CSMD1: variants seen among roughly 807,000 people sequenced by gnomAD.
CSMD1 encodes CUB and Sushi multiple domains 1.
Under a neutral mutation model 417.5 loss-of-function variants are expected in CSMD1, and 213 were observed. The ratio of observed to expected loss-of-function variants is 0.51; its 90% CI spans 0.46 to 0.57. The LOEUF (loss-of-function observed/expected upper bound fraction) is 0.57, where lower values mean the gene tolerates loss of function less well. Among genes scored for constraint, CSMD1 ranks in the 20% least tolerant of loss-of-function variants. CSMD1 has a pLI of 0.00. For missense variants in CSMD1, 6,923 were observed against 4,529.7 expected, an observed-to-expected ratio of 1.53 and a Z score of -15.17; for synonymous variants, 2,862 against 1,736.8, an observed-to-expected ratio of 1.65 and a Z score of -16.11.
chr8:3,832,968 T>C (rs1014483734), intron 5 of CSMD1, among the ~76,000 whole-genome samples: 8 of 152,282 alleles, frequency 5.3e-5, no homozygotes, highest in Admixed American at 4.6e-4. Context: ...ATATCAATAA[T>C]TGAGAAATAT....
At chr8:3,060,614 T>C (rs956661666) in intron 49 of CSMD1, among the ~76,000 whole-genome samples, 1 of 152,236 alleles carries the variant, frequency 6.6e-6, no homozygotes, top group South Asian at 2.1e-4. Flanking sequence ...TTCAGAGACT[T>C]AAATTCATGT....
At chr8:3,339,613 C>T (rs1177790245) in intron 23 of CSMD1, among the ~76,000 whole-genome samples, 1 of 152,174 alleles carries the variant, frequency 6.6e-6, no homozygotes, top group Non-Finnish European at 1.5e-5. Flanking sequence ...ATAAATTACT[C>T]TCAGAGGGCT....
intron 3 of CSMD1, among the ~76,000 whole-genome samples, chr8:4,140,359 A>G (rs537862585): frequency 6.6e-6 from 1 of 150,942 alleles, no homozygotes; most frequent in East Asian, 1.9e-4. Context: ...TTAGCTGGGA[A>G]TGGTGGCACA....
chr8:4,073,953 A>G (rs1799691206), intron 3 of CSMD1, among the ~76,000 whole-genome samples: 1 of 152,104 alleles, frequency 6.6e-6, no homozygotes, highest in Admixed American at 6.6e-5. Context: ...GCTTCTTTTG[A>G]TAAATCACTA....
intron 3 of CSMD1, among the ~76,000 whole-genome samples, chr8:4,373,921 T>C (rs1802553731): frequency 2.0e-5 from 3 of 152,190 alleles, no homozygotes; most frequent in South Asian, 4.1e-4. Context: ...ATTTCCCCTT[T>C]CTCTCTATAC....
At chr8:4,483,275 G>A (rs1031877399) in intron 2 of CSMD1, among the ~76,000 whole-genome samples, 3 of 152,172 alleles carry the variant, frequency 2.0e-5, no homozygotes, top group Non-Finnish European at 4.4e-5. Context: ...GGAACTGTGA[G>A]TCCAATAAAC....
At chr8:4,198,320 C>T (rs996165219) in intron 3 of CSMD1, among the ~76,000 whole-genome samples, 15 of 152,240 alleles carry the variant, frequency 9.9e-5, no homozygotes, top group Admixed American at 9.8e-4. Flanking sequence ...GCAAGCCCGA[C>T]AAGAGTACGT....
intron 58 of CSMD1, 53 bp downstream of exon 58, chr8:2,966,517 T>A (rs1803974181): frequency 1.3e-6 from 2 of 1,517,810 alleles, no homozygotes; most frequent in Non-Finnish European, 1.8e-6. Context: ...TTTTTCCCAA[T>A]GGAGTGAATT....
intron 7 of CSMD1, among the ~76,000 whole-genome samples, chr8:3,691,592 G>T (rs544036517): frequency 1.3e-5 from 2 of 152,186 alleles, no homozygotes; most frequent in South Asian, 4.2e-4. Flanking sequence ...TCCAACCTTT[G>T]GCTTCTATCC....
At chr8:3,698,841 A>C (rs1800698895) in intron 7 of CSMD1, among the ~76,000 whole-genome samples, 1 of 152,216 alleles carries the variant, frequency 6.6e-6, no homozygotes, top group Non-Finnish European at 1.5e-5. Flanking sequence ...TGGGAAAATG[A>C]TTTCTGAAAT....
chr8:4,579,509 C>T (rs1231404953), intron 2 of CSMD1, among the ~76,000 whole-genome samples: 2 of 151,850 alleles, frequency 1.3e-5, no homozygotes, highest in Non-Finnish European at 2.9e-5. Context: ...ATTACAGGCA[C>T]CCGCCACCAC....
intron 3 of CSMD1, among the ~76,000 whole-genome samples, chr8:4,078,127 T>C (rs184937834): frequency 1.4e-4 from 21 of 152,200 alleles, no homozygotes; most frequent in East Asian, 1.9e-4. Flanking sequence ...GAAAGTGCTA[T>C]AATGAACTTT....
chr8:4,806,504 C>A (rs1300510459), intron 1 of CSMD1, among the ~76,000 whole-genome samples: 1 of 152,218 alleles, frequency 6.6e-6, no homozygotes, highest in Non-Finnish European at 1.5e-5. Flanking sequence ...ATTGCATTCA[C>A]TTCTTTCCTC....
At chr8:3,599,432 G>A (rs1043407242) in intron 8 of CSMD1, among the ~76,000 whole-genome samples, 4 of 151,432 alleles carry the variant, frequency 2.6e-5, no homozygotes, top group Admixed American at 1.3e-4. Flanking sequence ...AATACAACAC[G>A]ACATTACTAA....
chr8:4,839,748 G>A (rs1028343200), intron 1 of CSMD1, among the ~76,000 whole-genome samples: 8 of 152,048 alleles, frequency 5.3e-5, no homozygotes, highest in Non-Finnish European at 1.0e-4. Context: ...TAATAGCCTC[G>A]AATTTTAAAA....
At chr8:4,069,750 C>G (rs1246723390) in intron 3 of CSMD1, among the ~76,000 whole-genome samples, 1 of 152,152 alleles carries the variant, frequency 6.6e-6, no homozygotes, top group African/African-American at 2.4e-5. Context: ...GGAATGCTGT[C>G]TACTTCACCT....
intron 10 of CSMD1, among the ~76,000 whole-genome samples, chr8:3,558,985 A>G (rs1048354551): frequency 6.6e-6 from 1 of 152,120 alleles, no homozygotes; most frequent in African/African-American, 2.4e-5. Context: ...AAGATAAATG[A>G]CTAGAAGTGG....
At chr8:4,259,031 T>C (rs1375899949) in intron 3 of CSMD1, among the ~76,000 whole-genome samples, 1 of 152,196 alleles carries the variant, frequency 6.6e-6, no homozygotes, top group Non-Finnish European at 1.5e-5. Flanking sequence ...TGTTGAACTT[T>C]AAAGGAAAAA....
At chr8:4,867,426 G>A (rs1387955546) in intron 1 of CSMD1, among the ~76,000 whole-genome samples, 1 of 152,004 alleles carries the variant, frequency 6.6e-6, no homozygotes, top group African/African-American at 2.4e-5. Context: ...ATACACCCCT[G>A]TAAATAAAGA....
Sources: gnomAD v4.1 joint callset for allele counts (sites outside exome capture counted in the v4.1 genomes callset) on GRCh38, gnomAD v4.1.1 for gene constraint, MANE v1.5 for transcripts, NCBI Gene and HGNC (gene_info 2026-07-23, HGNC 2026-07-21) for gene names.